The following SRGAP1 variants were observed in gnomAD, a reference collection of about 807,000 sequenced individuals.
SRGAP1 encodes the protein SLIT-ROBO Rho GTPase activating protein 1, also known as SLIT-ROBO Rho GTPase-activating protein 1.
In SRGAP1, 43 loss-of-function variants were observed where a neutral mutation model predicts 121.9. The observed-to-expected ratio is 0.35, with a 90% CI of 0.28 to 0.46. SRGAP1 has a LOEUF of 0.46. SRGAP1 is among the 20% of genes least tolerant of loss of function. SRGAP1 has a pLI of 1.00. For missense variants in SRGAP1, 1,102 were observed against 1,350.9 expected, an observed-to-expected ratio of 0.82 and a Z score of 2.89; for synonymous variants, 447 against 485.4, an observed-to-expected ratio of 0.92 and a Z score of 1.04.
Position 64,142,965 on chromosome 12 carries a change from C to T in SRGAP1, c.*293C>T, listed in dbSNP as rs938918957. 6 of 371,298 alleles carry T rather than the reference C, an allele frequency of 1.6e-5. No individual in the cohort carries two copies. The highest frequency in any genetic ancestry group is 3.0e-5 in the Non-Finnish European group (6 of 200,332). 23.0% of individuals were successfully genotyped at this position (371,298 alleles called of 1,614,324 possible). A position where few individuals can be genotyped will look rare whatever the true frequency, so the allele number is the denominator to read the frequency against. On this transcript the variant is annotated 3_prime_UTR_variant, in exon 22 of 22. Coordinates refer to ENST00000355086, the MANE Select transcript of SRGAP1 (RefSeq NM_020762.4). The stretch of plus-strand genomic sequence containing the variant: ...GTAATGAAGGCAACACCGCTCTCCA[C>T]ATTGTACAGAGCTTCAGGTTTAATG...
At chr12:64,041,615 G>C in intron 4 of SRGAP1, among the ~76,000 whole-genome samples, 1 of 151,582 alleles carries the variant, frequency 6.6e-6, no homozygotes, top group Non-Finnish European at 1.5e-5. Flanking sequence ...CTCTTAGTTA[G>C]GCTCAAGCAG....
chr12:63,887,701 T>G, intron 1 of SRGAP1: 1 of 152,188 alleles, frequency 6.6e-6, no homozygotes, highest in South Asian at 2.1e-4. Context: ...CCTCCCACAC[T>G]CTCCCCCGGG....
Position 64,128,159 on chromosome 12 carries a change from T to C in SRGAP1, c.2839T>C (p.Phe947Leu), listed in dbSNP as rs1360648793. The stretch of plus-strand genomic sequence containing the variant: ...CACGTCATCAGGGCAATACACGGGC[T>C]TCAATGACCACAAGCCACTGGACCC... The part of the protein sequence containing the change: ...RSTSSGQYTG[F>L]NDHKPLDPET... Residue 947 changes from phenylalanine (F) to leucine (L), a missense_variant, in exon 21 of 22, where the codon TTC becomes CTC. Phe to Leu is a conservative substitution (Grantham distance 22). Transcript: ENST00000355086. 6.2e-7 allele frequency: 1 copy of C among 1,613,944 alleles called. No homozygotes were observed. The highest frequency in any genetic ancestry group is 1.7e-5 in the Admixed American group (1 of 60,022).
chr12:64,133,259 T>C (rs2036812528), intron 21 of SRGAP1, among the ~76,000 whole-genome samples: 1 of 152,226 alleles, frequency 6.6e-6, no homozygotes, highest in South Asian at 2.1e-4. Context: ...CATTTGGCCT[T>C]TCCCACCATA....
chr12:63,973,544 C>A (rs1201177473), intron 1 of SRGAP1, among the ~76,000 whole-genome samples: 3 of 152,252 alleles, frequency 2.0e-5, no homozygotes, highest in Middle Eastern at 3.4e-3. Flanking sequence ...GTACTTACCG[C>A]AGAACCTGAA....
chr12:64,142,900 AACACTT>A lies in SRGAP1; in HGVS notation c.*230_*235del, dbSNP rs1318866348. ...CATATGTCATTTTAAGGACAATAGA[AACACTT>A]AGACTTACTTGAAAATCCAATGCTG... On this transcript the variant is annotated 3_prime_UTR_variant, in exon 22 of 22. Transcript: ENST00000355086. The A allele has an allele frequency of 5.3e-6, 3 of 569,720 alleles. No individual in the cohort carries two copies. In the African/African-American group the frequency reaches 5.6e-5, roughly 11 times the overall value. 35.3% of individuals were successfully genotyped at this position (569,720 alleles called of 1,614,324 possible).
At chr12:63,865,288 G>A (rs1361280119) in intron 1 of SRGAP1, among the ~76,000 whole-genome samples, 2 of 152,018 alleles carry the variant, frequency 1.3e-5, no homozygotes, top group African/African-American at 4.8e-5. Context: ...AGCCAACATG[G>A]CGAAACCCCG....
rs530401844 is a variant in SRGAP1 at position 64,058,573 on chromosome 12, T to C, written c.802-4344T>C. Among the ~76,000 whole-genome samples, 28 of 152,312 alleles carry C rather than the reference T, an allele frequency of 1.8e-4. No homozygotes were observed. In the South Asian group the frequency reaches 5.6e-3, roughly 30 times the overall value. ...TCTTCTCCAATTTTAATCCATAATT[T>C]TATGTATCTGTTCAGAATTTTTCAT... On this transcript the variant is annotated intron_variant, in intron 6 of 21. Transcript: ENST00000355086.
chr12:63,871,394 C>G (rs1278182826), intron 1 of SRGAP1, among the ~76,000 whole-genome samples: 1 of 152,134 alleles, frequency 6.6e-6, no homozygotes, highest in East Asian at 1.9e-4. Context: ...CCTGATGAGC[C>G]CTTGAGGATT....
intron 1 of SRGAP1, among the ~76,000 whole-genome samples, chr12:63,918,862 G>C (rs992043073): frequency 6.6e-6 from 1 of 152,164 alleles, no homozygotes; most frequent in Non-Finnish European, 1.5e-5. Flanking sequence ...TCCACAGTTA[G>C]GGAGTTTGCA....
At chr12:64,099,214 A>G (rs1031859350) in intron 15 of SRGAP1, among the ~76,000 whole-genome samples, 6 of 152,122 alleles carry the variant, frequency 3.9e-5, no homozygotes, top group Non-Finnish European at 5.9e-5. Flanking sequence ...TTCCTCACCT[A>G]TAAAATAGGG....
In SRGAP1 at chr12:64,147,701, T is replaced by G. The variant is rs1045137; in HGVS notation, c.*5029T>G. On this transcript the variant is annotated 3_prime_UTR_variant, in exon 22 of 22. Coordinates refer to ENST00000355086, the MANE Select transcript of SRGAP1 (RefSeq NM_020762.4). ...ACAGTCTGGAAAGAAAAAAAATGTT[T>G]TGTTAATCTGTTGTGACAATGCACT... 1 of 398,524 alleles carries G rather than the reference T, an allele frequency of 2.5e-6. No homozygotes were observed. Among genetic ancestry groups the G allele is most frequent in the Non-Finnish European group, 4.4e-6 (1 of 226,112 alleles). 24.7% of individuals were successfully genotyped at this position (398,524 alleles called of 1,614,324 possible).
At chr12:63,966,835 T>C (rs967880242) in intron 1 of SRGAP1, among the ~76,000 whole-genome samples, 1 of 152,194 alleles carries the variant, frequency 6.6e-6, no homozygotes, top group Non-Finnish European at 1.5e-5. Flanking sequence ...TAATGGGTAA[T>C]GAGCTTGGTG....
At chr12:64,042,221 T>C (rs1347175358) in intron 4 of SRGAP1, among the ~76,000 whole-genome samples, 1 of 152,072 alleles carries the variant, frequency 6.6e-6, no homozygotes, top group East Asian at 1.9e-4. Context: ...GTTTTGTTTT[T>C]GTTTGTTTGT....
At chr12:63,898,022 A>T (rs1176858785) in intron 1 of SRGAP1, among the ~76,000 whole-genome samples, 2 of 152,236 alleles carry the variant, frequency 1.3e-5, no homozygotes, top group African/African-American at 4.8e-5. Flanking sequence ...CAGCTGCTTC[A>T]CTGTGATAAG....
At chr12:64,028,747 T>C (rs1219906640) in intron 4 of SRGAP1, among the ~76,000 whole-genome samples, 1 of 152,222 alleles carries the variant, frequency 6.6e-6, no homozygotes, top group Non-Finnish European at 1.5e-5. Flanking sequence ...TCTGCTCCCA[T>C]GACTGATCAC....
Position 64,108,953 on chromosome 12 carries a change from G to C in SRGAP1, c.1835G>C (p.Arg612Thr). 1 of 1,603,446 alleles carries C rather than the reference G, an allele frequency of 6.2e-7. No individual in the cohort carries two copies. The part of the protein sequence containing the change: ...SCIRIDNLYE[R>T]ALHIRKLLLT... ...GTAGGAATAGATAATCTCTATGAGA[G>C]GGCGCTTCACATCCGCAAACTCCTC... The change falls in exon 16 of 22, where the codon AGG becomes ACG. Residue 612 changes from arginine to threonine, a missense_variant. Arg to Thr is a moderately conservative substitution (Grantham distance 71, BLOSUM62 -1). This residue lies in a region of SRGAP1 where 747 missense variants were observed against 929.4 expected (regional missense o/e 0.80). Transcript: ENST00000355086.
At chr12:63,987,971 G>T (rs1049026785) in intron 2 of SRGAP1, among the ~76,000 whole-genome samples, 1 of 152,118 alleles carries the variant, frequency 6.6e-6, no homozygotes, top group African/African-American at 2.4e-5. Flanking sequence ...AGTAACTGAG[G>T]CACAGAGCAG....
intron 1 of SRGAP1, chr12:63,879,050 C>A (rs751043302): frequency 6.6e-6 from 1 of 152,068 alleles, no homozygotes; most frequent in Non-Finnish European, 1.5e-5. Context: ...CTATGTCACC[C>A]AGGCTGAAGT....
Sources: allele counts gnomAD v4.1 joint callset (sites outside exome capture counted in the v4.1 genomes callset), GRCh38; gene constraint gnomAD v4.1.1; regional missense constraint gnomAD v4.1.1; transcripts MANE v1.5; gene names NCBI Gene and HGNC (gene_info 2026-07-23, HGNC 2026-07-21).